The following NRXN3 variants were observed in gnomAD, a reference collection of about 807,000 sequenced individuals.
The protein encoded by NRXN3 is neurexin 3, also known as neurexin III.
A neutral mutation model predicts 137.6 loss-of-function variants in NRXN3; 32 were observed. The ratio of observed to expected loss-of-function variants is 0.23; its 90% confidence interval spans 0.18 to 0.31. NRXN3 has a LOEUF of 0.31. Among genes scored for constraint, NRXN3 ranks in the 10% least tolerant of loss-of-function variants. The pLI, the probability that NRXN3 is intolerant of heterozygous loss-of-function variation, is 1.00. For missense variants in NRXN3, 1,574 were observed against 2,062.5 expected (o/e 0.76, Z 4.59); for synonymous variants, 798 against 784.5 (o/e 1.02, Z -0.29).
At chr14:78,561,081 T>A (rs750713623) in intron 4 of NRXN3, among the ~76,000 whole-genome samples, 4 of 152,206 alleles carry the variant, frequency 2.6e-5, no homozygotes, top group Non-Finnish European at 4.4e-5. Flanking sequence ...TAACACTGGG[T>A]AACAGTGGGG....
chr14:78,985,166 C>CTT, intron 14 of NRXN3, among the ~76,000 whole-genome samples: 1 of 152,190 alleles, frequency 6.6e-6, no homozygotes, highest in Non-Finnish European at 1.5e-5. Context: ...TGCTCCTACA[C>CTT]TCAGGTTTTG....
intron 4 of NRXN3, among the ~76,000 whole-genome samples, chr14:78,367,652 A>G (rs1190761032): frequency 6.6e-6 from 1 of 152,194 alleles, no homozygotes; most frequent in Non-Finnish European, 1.5e-5. Context: ...TGCCTTTGGG[A>G]AGGACTTTTT....
intron 10 of NRXN3, among the ~76,000 whole-genome samples, chr14:78,843,992 T>C (rs1300529710): frequency 9.2e-5 from 14 of 152,178 alleles, no homozygotes; most frequent in Admixed American, 3.9e-4. Flanking sequence ...ACCACCAACC[T>C]GGTGGCTTAC....
chr14:79,187,153 T>G (rs551278843), intron 15 of NRXN3, among the ~76,000 whole-genome samples: 1 of 152,310 alleles, frequency 6.6e-6, no homozygotes, highest in African/African-American at 2.4e-5. Flanking sequence ...CTTGTAGCAT[T>G]TAAGCATACA....
At chr14:78,577,438 C>T (rs971111112) in intron 4 of NRXN3, among the ~76,000 whole-genome samples, 1 of 152,118 alleles carries the variant, frequency 6.6e-6, no homozygotes, top group African/African-American at 2.4e-5. Context: ...TGTTAATATG[C>T]TAGTATACAT....
At chr14:79,759,936 G>C (rs886405816) in intron 19 of NRXN3, among the ~76,000 whole-genome samples, 1 of 151,682 alleles carries the variant, frequency 6.6e-6, no homozygotes, top group Non-Finnish European at 1.5e-5. Flanking sequence ...TTCTGAATTT[G>C]ACATAAGAAT....
intron 4 of NRXN3, among the ~76,000 whole-genome samples, chr14:78,372,786 G>A (rs2087105876): frequency 6.6e-6 from 1 of 152,182 alleles, no homozygotes. Context: ...GTTACACATA[G>A]TAGGGTTCAA....
chr14:78,887,177 A>G, intron 10 of NRXN3, among the ~76,000 whole-genome samples: 1 of 152,126 alleles, frequency 6.6e-6, no homozygotes, highest in Admixed American at 6.5e-5. Flanking sequence ...TACTCATCAC[A>G]TCAGCCCTAT....
chr14:79,527,165 A>C (rs2097127891), intron 16 of NRXN3, among the ~76,000 whole-genome samples: 1 of 151,708 alleles, frequency 6.6e-6, no homozygotes, highest in Non-Finnish European at 1.5e-5. Context: ...ATGGTGGCAG[A>C]AGCCTGTAAT....
At chr14:79,022,690 A>G (rs2099591642) in intron 15 of NRXN3, among the ~76,000 whole-genome samples, 1 of 152,134 alleles carries the variant, frequency 6.6e-6, no homozygotes, top group Non-Finnish European at 1.5e-5. Flanking sequence ...TTGCAGCAGC[A>G]TTTGGTGTTG....
intron 16 of NRXN3, among the ~76,000 whole-genome samples, chr14:79,487,622 A>C (rs1478557646): frequency 6.8e-6 from 1 of 146,126 alleles, no homozygotes; most frequent in Non-Finnish European, 1.5e-5. Flanking sequence ...TCCCTCCAGA[A>C]GTCTACCCAG....
intron 16 of NRXN3, among the ~76,000 whole-genome samples, chr14:79,542,025 G>T (rs1328802385): frequency 6.6e-6 from 1 of 152,200 alleles, no homozygotes; most frequent in African/African-American, 2.4e-5. Context: ...AGTTGTAAAT[G>T]ATAAAGAAGT....
chr14:79,275,734 G>C (rs767809578), intron 15 of NRXN3, among the ~76,000 whole-genome samples: 16 of 151,626 alleles, frequency 1.1e-4, no homozygotes, highest in Middle Eastern at 3.2e-3. Context: ...GTGAGGATGG[G>C]GGGGGGGACA....
chr14:79,780,596 G>A (rs377087976), intron 19 of NRXN3, among the ~76,000 whole-genome samples: 69 of 152,194 alleles, frequency 4.5e-4, no homozygotes, highest in East Asian at 1.2e-3. Context: ...GCGACAGAGC[G>A]AGACTCTGTC....
At chr14:79,839,539 T>C (rs796705327) in intron 20 of NRXN3, among the ~76,000 whole-genome samples, 16 of 152,310 alleles carry the variant, frequency 1.1e-4, no homozygotes, top group African/African-American at 3.6e-4. Flanking sequence ...TGTATTCTGG[T>C]TATTAATCCC....
intron 15 of NRXN3, among the ~76,000 whole-genome samples, chr14:79,330,176 A>G (rs1598790373): frequency 6.6e-6 from 1 of 152,132 alleles, no homozygotes; most frequent in East Asian, 1.9e-4. Flanking sequence ...GTCCTATCAC[A>G]GAGATAGGAA....
At chr14:78,508,073 G>A (rs2096028462) in intron 4 of NRXN3, among the ~76,000 whole-genome samples, 1 of 152,170 alleles carries the variant, frequency 6.6e-6, no homozygotes, top group Admixed American at 6.6e-5. Flanking sequence ...CCTCATTAGG[G>A]AGGAAAAGGT....
intron 4 of NRXN3, among the ~76,000 whole-genome samples, chr14:78,547,524 G>A (rs2096648186): frequency 6.6e-6 from 1 of 151,874 alleles, no homozygotes; most frequent in African/African-American, 2.4e-5. Flanking sequence ...GTAGCCGATG[G>A]GATCCTAATT....
intron 4 of NRXN3, among the ~76,000 whole-genome samples, chr14:78,537,911 G>A (rs1217325121): frequency 2.6e-5 from 4 of 152,200 alleles, no homozygotes; most frequent in African/African-American, 9.7e-5. Flanking sequence ...TCAAAGATCA[G>A]ATGGTTGTAG....
Sources: allele counts gnomAD v4.1 joint callset (sites outside exome capture counted in the v4.1 genomes callset), GRCh38; gene constraint gnomAD v4.1.1; transcripts MANE v1.5; gene names NCBI Gene and HGNC (gene_info 2026-07-23, HGNC 2026-07-21).